Variants in RBFOX1 observed in about 807,000 individuals in gnomAD.
RBFOX1 encodes RNA binding fox-1 homolog 1.
Under a neutral mutation model 57.7 loss-of-function variants are expected in RBFOX1, and 8 were observed. The observed-to-expected ratio is 0.14, with a 90% CI of 0.08 to 0.25. The LOEUF is 0.25. RBFOX1 is among the 10% of genes least tolerant of loss of function. The pLI, the probability that RBFOX1 is intolerant of heterozygous loss-of-function variation, is 1.00. For synonymous variants in RBFOX1, 326 were observed against 222.4 expected (o/e 1.47, Z -4.15); for missense variants, 611 against 548.5 (o/e 1.11, Z -1.14).
chr16:5,860,726 A>G (rs931329993), intron 3 of RBFOX1, among the ~76,000 whole-genome samples: 3 of 152,186 alleles, frequency 2.0e-5, no homozygotes, highest in Middle Eastern at 3.2e-3. Context: ...ATCAGAGAGG[A>G]TTCAAGAAGA....
At chr16:7,196,178 T>C (rs2086650833) in intron 4 of RBFOX1, among the ~76,000 whole-genome samples, 1 of 152,206 alleles carries the variant, frequency 6.6e-6, no homozygotes, top group Non-Finnish European at 1.5e-5. Flanking sequence ...TTTTGAAGTA[T>C]AAATAATCAG....
At chr16:6,265,156 C>T (rs980043844) in intron 1 of RBFOX1, among the ~76,000 whole-genome samples, 1 of 152,192 alleles carries the variant, frequency 6.6e-6, no homozygotes, top group Non-Finnish European at 1.5e-5. Flanking sequence ...CACGAGGAAA[C>T]CTGAAAGGAA....
At chr16:6,681,506 G>T (rs1465713772) in intron 3 of RBFOX1, among the ~76,000 whole-genome samples, 1 of 109,480 alleles carries the variant, frequency 9.1e-6, no homozygotes, top group Non-Finnish European at 2.1e-5. Flanking sequence ...TAGTGATGTT[G>T]TCCTTGTCTC....
chr16:5,461,334 C>G (rs1334289267), intron 1 of RBFOX1, among the ~76,000 whole-genome samples: 2 of 152,182 alleles, frequency 1.3e-5, no homozygotes, highest in African/African-American at 4.8e-5. Context: ...TCTGCCTCTC[C>G]TAGCGTTTCC....
intron 3 of RBFOX1, among the ~76,000 whole-genome samples, chr16:6,724,495 A>C (rs888307201): frequency 6.6e-6 from 1 of 152,114 alleles, no homozygotes; most frequent in Non-Finnish European, 1.5e-5. Context: ...GGCATTAGCC[A>C]CCACACCTGG....
At chr16:5,933,825 G>A (rs891770654) in intron 4 of RBFOX1, among the ~76,000 whole-genome samples, 7 of 151,542 alleles carry the variant, frequency 4.6e-5, no homozygotes, top group African/African-American at 1.5e-4. Flanking sequence ...TTGTGGGTAC[G>A]TGTGCAGGTT....
At position 7,268,558 on chromosome 16, in the gene RBFOX1, GC is replaced by G. The variant is rs1267593562; in HGVS notation, c.27+216461del. 1.1e-4 allele frequency among the ~76,000 whole-genome samples: 16 copies of G among 152,336 alleles called. No individual in the cohort carries two copies. The East Asian group carries it at 2.5e-3, about 24-fold the overall frequency. On this transcript the variant is annotated intron_variant, in intron 4 of 15. Coordinates refer to ENST00000550418, the MANE Select transcript of RBFOX1 (RefSeq NM_018723.4). Reference sequence around the variant, plus strand: ...TGAATTGCCAATTGACTTGCTCTTTGCAGCTAATAAAGAACAGATTATGCGC... The same window carrying G: ...TGAATTGCCAATTGACTTGCTCTTTGAGCTAATAAAGAACAGATTATGCGC...
chr16:5,931,138 T>C (rs2059046844), intron 4 of RBFOX1, among the ~76,000 whole-genome samples: 1 of 152,138 alleles, frequency 6.6e-6, no homozygotes, highest in African/African-American at 2.4e-5. Flanking sequence ...GTAGGGCTAT[T>C]CTTTTGTATT....
At chr16:6,791,460 G>A (rs2082926211) in intron 3 of RBFOX1, among the ~76,000 whole-genome samples, 1 of 152,080 alleles carries the variant, frequency 6.6e-6, no homozygotes, top group African/African-American at 2.4e-5. Context: ...CTTCAAGATG[G>A]CGAAAGTAGA....
At chr16:5,715,413 C>G (rs1319344867) in intron 3 of RBFOX1, among the ~76,000 whole-genome samples, 2 of 152,198 alleles carry the variant, frequency 1.3e-5, no homozygotes, top group Non-Finnish European at 2.9e-5. Flanking sequence ...AGTTGACATG[C>G]ACCACATTGA....
At chr16:7,315,083 G>C (rs1315294091) in intron 4 of RBFOX1, among the ~76,000 whole-genome samples, 3 of 95,952 alleles carry the variant, frequency 3.1e-5, no homozygotes. Context: ...TACCAGCAGA[G>C]AAAAGCTCTT....
chr16:7,239,814 C>A (rs568834680), intron 4 of RBFOX1, among the ~76,000 whole-genome samples: 118 of 152,198 alleles, frequency 7.8e-4, no homozygotes, highest in African/African-American at 2.7e-3. Context: ...AAGAAGAAAA[C>A]AAATATCATT....
intron 1 of RBFOX1, among the ~76,000 whole-genome samples, chr16:5,458,060 A>T (rs1707273122): frequency 6.6e-6 from 1 of 152,224 alleles, no homozygotes; most frequent in Admixed American, 6.5e-5. Context: ...ATGCTTTAAG[A>T]ACAGAATAGG....
In RBFOX1 at chr16:6,946,514, C is replaced by T. The variant is rs145024462; in HGVS notation, c.-15-105543C>T. Reference sequence around the variant, plus strand: ...TTTTCTCCTCCTTGTTTTACATCTCCCATCCCTACTGTGTTTTCTAAGAAC... The same window carrying T: ...TTTTCTCCTCCTTGTTTTACATCTCTCATCCCTACTGTGTTTTCTAAGAAC... On this transcript the variant is annotated intron_variant, in intron 3 of 15. Coordinates refer to ENST00000550418, the MANE Select transcript of RBFOX1 (RefSeq NM_018723.4). Among the ~76,000 whole-genome samples, 969 of 152,284 alleles carry T rather than the reference C, an allele frequency of 6.4e-3. 15 individuals are homozygous for T. The highest frequency in any genetic ancestry group is 0.022 in the African/African-American group (921 of 41,548).
At position 6,792,272 on chromosome 16, in the gene RBFOX1, G is replaced by C. The variant is rs557191933; in HGVS notation, c.-16+137622G>C. ...ATTTAGATTTTGTAAGAATTGTGAA[G>C]ATTACATAAATACATCTAAAGTTTG... On this transcript the variant is annotated intron_variant, in intron 3 of 15. Transcript: ENST00000550418. Among the ~76,000 whole-genome samples, 8 of 152,276 alleles carry C rather than the reference G, an allele frequency of 5.3e-5. No homozygotes were observed. The East Asian group carries it at 1.4e-3, about 26-fold the overall frequency.
rs572946958 is a variant in RBFOX1 at position 5,826,149 on chromosome 16, A to G, written c.319-41154A>G. On this transcript the variant is annotated intron_variant, in intron 3 of 19. Transcript: ENST00000641259. ...AGGAATATTATTCCTTATATATATT[A>G]TTATATATAACATATTATTCTTATA... 5.4e-5 allele frequency among the ~76,000 whole-genome samples: 8 copies of G among 148,486 alleles called. No homozygotes were observed. The South Asian group carries it at 1.7e-3, about 31-fold the overall frequency.
At chr16:6,009,933 T>G (rs979341639) in intron 4 of RBFOX1, among the ~76,000 whole-genome samples, 14 of 152,070 alleles carry the variant, frequency 9.2e-5, no homozygotes, top group African/African-American at 3.4e-4. Flanking sequence ...TGATAAGCAT[T>G]ACAGATGAGT....
chr16:6,380,044 G>A (rs1328636126), intron 2 of RBFOX1, among the ~76,000 whole-genome samples: 2 of 152,202 alleles, frequency 1.3e-5, no homozygotes, highest in African/African-American at 2.4e-5. Context: ...TGGGGTGTAA[G>A]GAAGTCCGTA....
At position 7,495,185 on chromosome 16, in the gene RBFOX1, A is replaced by G. The variant is rs183463655; in HGVS notation, c.28-22962A>G. Among the ~76,000 whole-genome samples, 477 of 152,270 alleles carry G rather than the reference A, an allele frequency of 3.1e-3. 4 individuals carry two copies. Among genetic ancestry groups the G allele is most frequent in the African/African-American group, 0.011 (447 of 41,558 alleles). On this transcript the variant is annotated intron_variant, in intron 4 of 15. Coordinates refer to ENST00000550418, the MANE Select transcript of RBFOX1 (RefSeq NM_018723.4). ...ATGGCTGCATAGTATTCCATGGTGT[A>G]GATATACCACATTTTCTTTATCCAG...
Sources: gnomAD v4.1 joint callset for allele counts (sites outside exome capture counted in the v4.1 genomes callset) on GRCh38, gnomAD v4.1.1 for gene constraint, MANE v1.5 for transcripts, NCBI Gene and HGNC (gene_info 2026-07-23, HGNC 2026-07-21) for gene names.